The following DPYD variants were observed in gnomAD, a reference collection of about 807,000 sequenced individuals.
The protein encoded by DPYD is dihydropyrimidine dehydrogenase.
Under a neutral mutation model 116.2 loss-of-function variants are expected in DPYD, and 109 were observed. That is an observed-to-expected ratio of 0.94 (90% CI 0.80 to 1.10). The LOEUF is 1.10. Among genes scored for constraint, DPYD ranks in the 50% least tolerant of loss-of-function variants. The pLI, the probability that DPYD is intolerant of heterozygous loss-of-function variation, is 0.00. For synonymous variants in DPYD, 440 were observed against 432.0 expected, an observed-to-expected ratio of 1.02 and a Z score of -0.23; for missense variants, 1,302 against 1,254.5, an observed-to-expected ratio of 1.04 and a Z score of -0.57.
chr1:97,530,311 A>G (rs1407105770), intron 12 of DPYD, among the ~76,000 whole-genome samples: 1 of 138,980 alleles, frequency 7.2e-6, no homozygotes, highest in African/African-American at 2.7e-5. Context: ...TCTGCCTCCC[A>G]GGTTCACGCC....
intron 13 of DPYD, among the ~76,000 whole-genome samples, chr1:97,450,645 TA>T (rs1470820441): frequency 5.3e-5 from 8 of 151,932 alleles, no homozygotes; most frequent in Non-Finnish European, 1.2e-4. Context: ...AAAAAGTTTA[TA>T]TTTTTTTTTT....
chr1:97,686,983 A>G (rs1424870795), intron 7 of DPYD, among the ~76,000 whole-genome samples: 1 of 151,840 alleles, frequency 6.6e-6, no homozygotes, highest in East Asian at 1.9e-4. Flanking sequence ...AAAAGTGGAC[A>G]AAGGAGGCCA....
intron 1 of DPYD, among the ~76,000 whole-genome samples, chr1:97,917,001 AAC>A (rs1395809166): frequency 6.6e-6 from 1 of 152,204 alleles, no homozygotes; most frequent in African/African-American, 2.4e-5. Flanking sequence ...AGAAAGGAGA[AAC>A]ACTTTAAAGT....
chr1:97,249,683 C>G (rs902221338), intron 18 of DPYD, among the ~76,000 whole-genome samples: 8 of 151,966 alleles, frequency 5.3e-5, no homozygotes, highest in Non-Finnish European at 1.2e-4. Context: ...AAAATATATT[C>G]ACACACATAT....
At chr1:97,115,579 C>T (rs1257133090) in intron 20 of DPYD, among the ~76,000 whole-genome samples, 1 of 152,060 alleles carries the variant, frequency 6.6e-6, no homozygotes, top group Non-Finnish European at 1.5e-5. Context: ...ATGTATTTTC[C>T]TAATTTTCTA....
intron 20 of DPYD, among the ~76,000 whole-genome samples, chr1:97,129,135 G>C (rs908765196): frequency 1.3e-5 from 2 of 150,532 alleles, no homozygotes; most frequent in African/African-American, 2.5e-5. Flanking sequence ...CATGATTTTG[G>C]ATCACTGCAA....
intron 3 of DPYD, among the ~76,000 whole-genome samples, chr1:97,818,712 T>C (rs1668763616): frequency 6.6e-6 from 1 of 152,000 alleles, no homozygotes; most frequent in Non-Finnish European, 1.5e-5. Flanking sequence ...TGAATGGAAG[T>C]AATATTCCTA....
At chr1:97,731,743 TTGAC>T (rs1379020065) in intron 4 of DPYD, among the ~76,000 whole-genome samples, 1 of 152,042 alleles carries the variant, frequency 6.6e-6, no homozygotes, top group Non-Finnish European at 1.5e-5. Context: ...TTCTGTTACA[TTGAC>T]TTTTACTTAT....
At chr1:97,145,397 A>T (rs1333314058) in intron 20 of DPYD, among the ~76,000 whole-genome samples, 1 of 152,132 alleles carries the variant, frequency 6.6e-6, no homozygotes, top group Non-Finnish European at 1.5e-5. Context: ...GTTCTGCATG[A>T]CAGCAGCCTC....
At chr1:97,220,468 A>G (rs1660704620) in intron 19 of DPYD, among the ~76,000 whole-genome samples, 1 of 152,136 alleles carries the variant, frequency 6.6e-6, no homozygotes, top group Admixed American at 6.5e-5. Flanking sequence ...AAAATGGACT[A>G]AGACATCACT....
rs144524239 is a variant in DPYD, at chr1:97,292,903, A to T, written c.2299+12356T>A. On this transcript the variant is annotated intron_variant, in intron 18 of 22. Transcript: ENST00000370192. The stretch of plus-strand genomic sequence containing the variant: ...TTTCTATTATGTTTTCATTTTAACT[A>T]CTTAATAGAGAAATTCATAATTTCA... Among the ~76,000 whole-genome samples the T allele has an allele frequency of 7.6e-3, 1,150 of 152,270 alleles. 4 individuals are homozygous for T. The highest frequency in any genetic ancestry group is 0.012 in the Non-Finnish European group (836 of 68,022).
At chr1:97,639,648 T>C (rs1657768413) in intron 8 of DPYD, among the ~76,000 whole-genome samples, 1 of 151,572 alleles carries the variant, frequency 6.6e-6, no homozygotes, top group Non-Finnish European at 1.5e-5. Flanking sequence ...AAGACCCCAA[T>C]CTTATAAATA....
chr1:97,165,183 A>G (rs907270072), intron 20 of DPYD, among the ~76,000 whole-genome samples: 7 of 152,106 alleles, frequency 4.6e-5, no homozygotes, highest in African/African-American at 1.7e-4. Context: ...AAACTATACT[A>G]CAGGGGCTAC....
chr1:97,911,289 T>C (rs921438276), intron 1 of DPYD, among the ~76,000 whole-genome samples: 2 of 152,054 alleles, frequency 1.3e-5, no homozygotes, highest in Admixed American at 1.3e-4. Context: ...TTTCTTACTG[T>C]CCAGTCTTGG....
intron 3 of DPYD, among the ~76,000 whole-genome samples, chr1:97,787,478 A>C (rs1338064991): frequency 6.6e-6 from 1 of 152,206 alleles, no homozygotes; most frequent in African/African-American, 2.4e-5. Context: ...GTAATACGTG[A>C]AGAAGAAGAA....
intron 11 of DPYD, among the ~76,000 whole-genome samples, chr1:97,568,846 C>T (rs1429554151): frequency 6.6e-6 from 1 of 151,968 alleles, no homozygotes; most frequent in African/African-American, 2.4e-5. Flanking sequence ...ATGTCAGTTG[C>T]TATTGGGACT....
At chr1:97,134,000 A>T (rs1216147744) in intron 20 of DPYD, among the ~76,000 whole-genome samples, 1 of 14,026 alleles carries the variant, frequency 7.1e-5, no homozygotes, top group African/African-American at 3.0e-4. Context: ...CTCTGTTTCA[A>T]AAAAAAAAAA....
chr1:97,462,926 A>G (rs763423160), intron 13 of DPYD, among the ~76,000 whole-genome samples: 46 of 152,100 alleles, frequency 3.0e-4, no homozygotes, highest in Non-Finnish European at 6.0e-4. Context: ...TCTGCATAAT[A>G]AGAATCTTGG....
chr1:97,499,336 A>G (rs1339950459), intron 13 of DPYD, among the ~76,000 whole-genome samples: 1 of 151,786 alleles, frequency 6.6e-6, no homozygotes, highest in Non-Finnish European at 1.5e-5. Flanking sequence ...ATTTTTCTAC[A>G]TTCTTGAAAT....
Sources: gnomAD v4.1 joint callset for allele counts (sites outside exome capture counted in the v4.1 genomes callset) on GRCh38, gnomAD v4.1.1 for gene constraint, MANE v1.5 for transcripts, NCBI Gene and HGNC (gene_info 2026-07-23, HGNC 2026-07-21) for gene names.